The following TLCD4 variants were observed in gnomAD, a reference collection of about 807,000 sequenced individuals.
TLCD4 encodes the protein TLC domain-containing protein 4.
A neutral mutation model predicts 24.2 loss-of-function variants in TLCD4; 7 were observed. That is an observed-to-expected ratio of 0.29 (90% CI 0.16 to 0.54). The LOEUF is 0.54. TLCD4 is among the 20% of genes least tolerant of loss of function. The pLI, the probability that TLCD4 is intolerant of heterozygous loss-of-function variation, is 0.95. For missense variants in TLCD4, 259 were observed against 313.9 expected (o/e 0.82, Z 1.32); for synonymous variants, 103 against 106.4 (o/e 0.97, Z 0.20).
the TLCD4 span, among the ~76,000 whole-genome samples, chr1:95,098,073 C>T: frequency 2.0e-5 from 3 of 152,062 alleles, no homozygotes; most frequent in South Asian, 2.1e-4. Flanking sequence ...TGACTAGATC[C>T]GATATACAGT....
chr1:95,096,474 C>A, the TLCD4 span, among the ~76,000 whole-genome samples: 4 of 152,026 alleles, frequency 2.6e-5, no homozygotes, highest in Non-Finnish European at 5.9e-5. Flanking sequence ...GATAGCTTTG[C>A]GGAAGGGACA....
chr1:95,138,859 A>C (rs576561777), intron 1 of TLCD4, among the ~76,000 whole-genome samples: 1 of 151,986 alleles, frequency 6.6e-6, no homozygotes, highest in Non-Finnish European at 1.5e-5. Context: ...GTATCTAAAC[A>C]TAGAAAAGGT....
chr1:95,186,202 A>G (rs926150029), intron 6 of TLCD4, among the ~76,000 whole-genome samples: 3 of 152,204 alleles, frequency 2.0e-5, no homozygotes, highest in Admixed American at 6.5e-5. Flanking sequence ...ATCCCCATTT[A>G]TAGAGATAGA....
At chr1:95,121,420 G>A (rs1401470818) in intron 1 of TLCD4, among the ~76,000 whole-genome samples, 2 of 152,204 alleles carry the variant, frequency 1.3e-5, no homozygotes, top group Non-Finnish European at 2.9e-5. Context: ...CCCATTTGCT[G>A]ATCAAACTCA....
At chr1:95,121,253 A>C (rs1676560725) in intron 1 of TLCD4, 1 of 152,262 alleles carries the variant, frequency 6.6e-6, no homozygotes, top group African/African-American at 2.4e-5. Context: ...AAGGACCCAG[A>C]ACAAATTGGC....
chr1:95,169,393 C>T (rs1370109456), intron 5 of TLCD4, among the ~76,000 whole-genome samples: 1 of 152,186 alleles, frequency 6.6e-6, no homozygotes, highest in Admixed American at 6.5e-5. Context: ...ATTCAAGAGA[C>T]AATTTCCTCA....
intron 5 of TLCD4, among the ~76,000 whole-genome samples, chr1:95,166,203 G>A (rs1277921060): frequency 6.6e-6 from 1 of 152,104 alleles, no homozygotes; most frequent in Non-Finnish European, 1.5e-5. Flanking sequence ...GGGCAAACTG[G>A]AAGAGCTTTT....
intron 6 of TLCD4, 80 bp downstream of exon 6, chr1:95,173,969 C>G (rs1050677614): frequency 1.9e-6 from 3 of 1,565,238 alleles, no homozygotes; most frequent in South Asian, 1.1e-5. Context: ...CCGTGATCCT[C>G]AAGTTACTAT....
intron 1 of TLCD4, chr1:95,138,360 T>C (rs1453616041): frequency 6.6e-6 from 1 of 152,178 alleles, no homozygotes; most frequent in Non-Finnish European, 1.5e-5. Context: ...GCAGTGCTGT[T>C]TCCCAGGGCC....
chr1:95,139,174 CAAAAAAAA>C (rs71097248), intron 1 of TLCD4, among the ~76,000 whole-genome samples: 1,685 of 76,846 alleles, frequency 0.022, 32 homozygotes, highest in African/African-American at 0.071. Flanking sequence ...GAACCTGTGT[CAAAAAAAA>C]AAAAAAAAAA....
At chr1:95,152,067 G>A (rs1204362204) in intron 5 of TLCD4, among the ~76,000 whole-genome samples, 1 of 151,926 alleles carries the variant, frequency 6.6e-6, no homozygotes, top group African/African-American at 2.4e-5. Context: ...TATTGCAACT[G>A]CAATTTTTTT....
chr1:95,190,166 C>T (rs561120500), intron 6 of TLCD4, among the ~76,000 whole-genome samples: 5 of 150,592 alleles, frequency 3.3e-5, no homozygotes, highest in African/African-American at 7.3e-5. Flanking sequence ...TGCAATAGCA[C>T]GATTTCGGCT....
intron 1 of TLCD4, among the ~76,000 whole-genome samples, chr1:95,141,811 ACACACAC>A: frequency 6.6e-6 from 1 of 150,890 alleles, no homozygotes; most frequent in South Asian, 2.1e-4. Flanking sequence ...ACACACACAC[ACACACAC>A]ACACACACAC....
At chr1:95,150,311 C>T (rs1677459838) in intron 4 of TLCD4, 45 bp downstream of exon 4, 2 of 1,596,654 alleles carry the variant, frequency 1.3e-6, no homozygotes, top group Non-Finnish European at 1.7e-6. Context: ...GTAAACTACT[C>T]ACGGAATTAT....
chr1:95,109,715 C>T, the TLCD4 span, among the ~76,000 whole-genome samples: 1 of 151,694 alleles, frequency 6.6e-6, no homozygotes, highest in African/African-American at 2.4e-5. Flanking sequence ...TCTTGAACTC[C>T]TGATCTCAAG....
the TLCD4 span, among the ~76,000 whole-genome samples, chr1:95,095,457 G>A: frequency 2.0e-5 from 3 of 151,926 alleles, no homozygotes; most frequent in South Asian, 2.1e-4. Flanking sequence ...GAGTGCAGTG[G>A]CGTGATCTCG....
chr1:95,148,751 A>C lies in TLCD4; in HGVS notation c.205A>C (p.Ile69Leu). ...SLVVGIFGLYIFLFDEATKAD... is the reference protein window; with the variant it reads ...SLVVGIFGLYLFLFDEATKAD... ...GGTGGTTGGTATTTTTGGCCTGTACATTTTCTTATTCGATGAGGCTACTAA... is the reference window on the plus strand; with the variant it reads ...GGTGGTTGGTATTTTTGGCCTGTACCTTTTCTTATTCGATGAGGCTACTAA... The change falls in exon 3 of 7, where the codon ATT becomes CTT. Residue 69 changes from isoleucine (I) to leucine (L), a missense_variant. Coordinates refer to ENST00000370203, the MANE Select transcript of TLCD4 (RefSeq NM_152487.3). 1 of 1,613,632 alleles carries C rather than the reference A, an allele frequency of 6.2e-7. No individual in the cohort carries two copies. Among genetic ancestry groups the C allele is most frequent in the Non-Finnish European group, 8.5e-7 (1 of 1,179,784 alleles).
chr1:95,190,069 G>A, intron 6 of TLCD4, among the ~76,000 whole-genome samples: 1 of 149,798 alleles, frequency 6.7e-6, no homozygotes, highest in Non-Finnish European at 1.5e-5. Flanking sequence ...GGTGTGCATA[G>A]TATCTTGTTG....
intron 6 of TLCD4, among the ~76,000 whole-genome samples, chr1:95,189,162 G>A (rs1466043600): frequency 2.6e-5 from 4 of 152,142 alleles, no homozygotes; most frequent in African/African-American, 9.6e-5. Flanking sequence ...CCATTTATTT[G>A]TTCAGTCCTG....
Sources: allele counts gnomAD v4.1 joint callset (sites outside exome capture counted in the v4.1 genomes callset), GRCh38; gene constraint gnomAD v4.1.1; transcripts MANE v1.5; gene names NCBI Gene and HGNC (gene_info 2026-07-23, HGNC 2026-07-21).